Variants in RYR3 observed in about 807,000 individuals in gnomAD.
The protein encoded by RYR3 is ryanodine receptor 3, also known as brain ryanodine receptor-calcium release channel.
In RYR3, 207 loss-of-function variants were observed where a neutral mutation model predicts 584.3. The observed-to-expected ratio is 0.35, with a 90% CI of 0.32 to 0.40. The LOEUF (loss-of-function observed/expected upper bound fraction) is 0.40. RYR3 is among the 10% of genes least tolerant of loss of function. The pLI is 1.00. For synonymous variants in RYR3, 2,416 were observed against 2,248.5 expected, an observed-to-expected ratio of 1.07 and a Z score of -2.11; for missense variants, 5,616 against 6,089.2, an observed-to-expected ratio of 0.92 and a Z score of 2.59.
chr15:33,405,345 A>C (rs1336092941), intron 1 of RYR3, among the ~76,000 whole-genome samples: 1 of 152,158 alleles, frequency 6.6e-6, no homozygotes, highest in African/African-American at 2.4e-5. Flanking sequence ...GTGACCTTAT[A>C]AACTGTCCTG....
intron 24 of RYR3, 117 bp downstream of exon 24, chr15:33,633,225 T>C: frequency 1.0e-6 from 1 of 958,838 alleles, no homozygotes; most frequent in Non-Finnish European, 1.6e-6. Context: ...ACTCTATCCC[T>C]CACACCTCAG....
chr15:33,767,728 C>T (rs2073219276), intron 60 of RYR3, among the ~76,000 whole-genome samples: 1 of 152,116 alleles, frequency 6.6e-6, no homozygotes, highest in African/African-American at 2.4e-5. Context: ...TTCTTTTTTC[C>T]CTCTTTCTAT....
At chr15:33,796,247 G>C (rs2075614156) in intron 67 of RYR3, among the ~76,000 whole-genome samples, 1 of 152,088 alleles carries the variant, frequency 6.6e-6, no homozygotes, top group Non-Finnish European at 1.5e-5. Context: ...TGATTCTCCT[G>C]CCTCAGCCTC....
chr15:33,611,645 A>G (rs532927028), intron 18 of RYR3, among the ~76,000 whole-genome samples: 33 of 151,892 alleles, frequency 2.2e-4, no homozygotes, highest in Admixed American at 1.7e-3. Flanking sequence ...AAGAATTTTT[A>G]TGGAGTTATA....
At chr15:33,316,249 T>C (rs1222221955) in intron 1 of RYR3, among the ~76,000 whole-genome samples, 3 of 152,214 alleles carry the variant, frequency 2.0e-5, no homozygotes, top group Non-Finnish European at 1.5e-5. Flanking sequence ...GTGTTATTTT[T>C]ACACCTTCAT....
At chr15:33,431,005 T>A (rs1048323894) in intron 1 of RYR3, among the ~76,000 whole-genome samples, 2 of 152,140 alleles carry the variant, frequency 1.3e-5, no homozygotes, top group African/African-American at 2.4e-5. Context: ...CAACTAGACT[T>A]AGGGGCTCAA....
At chr15:33,669,745 C>A (rs1205867814) in intron 37 of RYR3, among the ~76,000 whole-genome samples, 1 of 149,752 alleles carries the variant, frequency 6.7e-6, no homozygotes, top group Non-Finnish European at 1.5e-5. Context: ...CTTATATAAA[C>A]CTCACCTAAT....
chr15:33,460,750 C>G (rs996251194), intron 1 of RYR3, among the ~76,000 whole-genome samples: 6 of 152,024 alleles, frequency 3.9e-5, no homozygotes, highest in African/African-American at 1.5e-4. Flanking sequence ...TGACAGCTAT[C>G]TGGAACAGAA....
chr15:33,664,589 G>GTATATATATATATATATA (rs139063789), intron 36 of RYR3, among the ~76,000 whole-genome samples: 1,021 of 91,150 alleles, frequency 0.011, 33 homozygotes, highest in African/African-American at 0.027. Context: ...GTGTGTGTGT[G>GTATATATATATATATATA]TATATATATA....
At chr15:33,515,846 T>C (rs537672575) in intron 3 of RYR3, among the ~76,000 whole-genome samples, 1 of 152,366 alleles carries the variant, frequency 6.6e-6, no homozygotes, top group South Asian at 2.1e-4. Context: ...TTTCTAAATA[T>C]ATTAACTTCA....
At chr15:33,620,407 G>A (rs868007800) in intron 19 of RYR3, among the ~76,000 whole-genome samples, 2 of 152,094 alleles carry the variant, frequency 1.3e-5, no homozygotes, top group Non-Finnish European at 2.9e-5. Context: ...TGTGTGATAG[G>A]CTGTGGCTGA....
chr15:33,845,264 T>A (rs1289965057), intron 93 of RYR3, among the ~76,000 whole-genome samples: 1 of 152,278 alleles, frequency 6.6e-6, no homozygotes, highest in South Asian at 2.1e-4. Context: ...CTGTTGTTGT[T>A]GTTTTTGAGA....
intron 1 of RYR3, among the ~76,000 whole-genome samples, chr15:33,318,327 G>A (rs1426792689): frequency 6.6e-6 from 1 of 152,230 alleles, no homozygotes; most frequent in Non-Finnish European, 1.5e-5. Context: ...TGTGACCCTT[G>A]CAGATACCCA....
At chr15:33,419,693 G>A (rs934055595) in intron 1 of RYR3, among the ~76,000 whole-genome samples, 3 of 152,054 alleles carry the variant, frequency 2.0e-5, no homozygotes, top group African/African-American at 4.8e-5. Context: ...CTTTGCATTC[G>A]TTTGGATTAT....
chr15:33,718,749 A>G (rs1280841784), intron 43 of RYR3, among the ~76,000 whole-genome samples: 1 of 152,198 alleles, frequency 6.6e-6, no homozygotes, highest in African/African-American at 2.4e-5. Context: ...TTACCAGGGT[A>G]AAATGGGGAG....
chr15:33,553,985 C>T (rs142373490), intron 10 of RYR3, among the ~76,000 whole-genome samples: 37 of 152,232 alleles, frequency 2.4e-4, no homozygotes, highest in African/African-American at 8.9e-4. Flanking sequence ...TTTTTCTAAC[C>T]ACCACCAAAC....
chr15:33,726,596 G>C, intron 46 of RYR3, 90 bp downstream of exon 46: 6 of 1,391,196 alleles, frequency 4.3e-6, no homozygotes, highest in Non-Finnish European at 5.7e-6. Context: ...TGGCCCCCAG[G>C]CCCTGACTTG....
At chr15:33,798,970 G>T (rs1238696261) in intron 67 of RYR3, among the ~76,000 whole-genome samples, 1 of 152,166 alleles carries the variant, frequency 6.6e-6, no homozygotes, top group Non-Finnish European at 1.5e-5. Flanking sequence ...ATGTCCTAGG[G>T]CTTAGGGAAC....
intron 1 of RYR3, among the ~76,000 whole-genome samples, chr15:33,426,384 C>A (rs1053993668): frequency 1.3e-5 from 2 of 152,134 alleles, no homozygotes; most frequent in African/African-American, 4.8e-5. Context: ...TGGATCCAGG[C>A]TCAGAAGTGA....
Sources: allele counts gnomAD v4.1 joint callset (sites outside exome capture counted in the v4.1 genomes callset), GRCh38; gene constraint gnomAD v4.1.1; transcripts MANE v1.5; gene names NCBI Gene and HGNC (gene_info 2026-07-23, HGNC 2026-07-21).